The following COL1A2 variants were observed in gnomAD, a reference collection of about 807,000 sequenced individuals.
COL1A2 encodes the protein collagen type I alpha 2 chain, also known as collagen alpha-2(I) chain.
COL1A2 carries 49 observed loss-of-function variants against 174.3 expected under a neutral mutation model. That is an observed-to-expected ratio of 0.28 (90% CI 0.22 to 0.36). COL1A2 has a LOEUF of 0.36. Among genes scored for constraint, COL1A2 ranks in the 10% least tolerant of loss-of-function variants. COL1A2 has a pLI of 1.00. For missense variants in COL1A2, 1,438 were observed against 1,822.7 expected (o/e 0.79, Z 3.84); for synonymous variants, 655 against 606.6 (o/e 1.08, Z -1.17).
intron 51 of COL1A2, chr7:94,429,896 A>G (rs1792363923): frequency 3.3e-6 from 1 of 305,648 alleles, no homozygotes; most frequent in African/African-American, 2.2e-5. Context: ...ATTCACTAAC[A>G]GCAAGACTAC....
chr7:94,420,360 A>G (rs966376741), intron 35 of COL1A2, 31 bp from the exon 36 acceptor site: 3 of 1,614,042 alleles, frequency 1.9e-6, no homozygotes, highest in Admixed American at 3.3e-5. Flanking sequence ...TAGGATTGAT[A>G]ACACATTTTT....
Position 94,411,143 on chromosome 7 carries a change from A to G in COL1A2, c.1339A>G (p.Met447Val). The change falls in exon 23 of 52, where the codon ATG becomes GTG. Residue 447 changes from methionine (M) to valine (V), a missense_variant. Met to Val is a conservative substitution (Grantham distance 21). This residue lies in a region of COL1A2 where 867 missense variants were observed against 1,213.7 expected (regional missense o/e 0.71). Transcript: ENST00000297268. ...DAGRPGEPGL[M>V]GPRGLPGSPG... ...TGGTCGCCCTGGGGAGCCTGGTCTCATGGGACCCAGAGTAAGTTTCAAACT... is the reference window on the plus strand; with the variant it reads ...TGGTCGCCCTGGGGAGCCTGGTCTCGTGGGACCCAGAGTAAGTTTCAAACT... 1 of 1,583,434 alleles carries G rather than the reference A, an allele frequency of 6.3e-7. No individual in the cohort carries two copies. Among genetic ancestry groups the G allele is most frequent in the Non-Finnish European group, 8.6e-7 (1 of 1,164,142 alleles).
chr7:94,401,723 C>A, intron 6 of COL1A2, 103 bp downstream of exon 6: 3 of 711,856 alleles, frequency 4.2e-6, no homozygotes, highest in South Asian at 1.7e-5. Flanking sequence ...AGTTAACACT[C>A]AATACTTAGA....
chr7:94,415,612 C>T (rs1792023931), intron 30 of COL1A2, among the ~76,000 whole-genome samples: 1 of 151,968 alleles, frequency 6.6e-6, no homozygotes, highest in South Asian at 2.1e-4. Context: ...TAATTTTGGC[C>T]ATGTGTGTTG....
At chr7:94,411,632 T>C (rs1339396580) in intron 23 of COL1A2, among the ~76,000 whole-genome samples, 1 of 152,130 alleles carries the variant, frequency 6.6e-6, no homozygotes, top group East Asian at 1.9e-4. Flanking sequence ...AGCAATAGAG[T>C]AATTTTTTTG....
Position 94,427,748 on chromosome 7 carries a change from C to T in COL1A2, c.3389C>T (p.Pro1130Leu), listed in dbSNP as rs1219873639. The T allele has an allele frequency of 1.2e-6, 2 of 1,614,082 alleles. No homozygotes were observed. The highest frequency in any genetic ancestry group is 1.7e-6 in the Non-Finnish European group (2 of 1,180,024). The change falls in exon 49 of 52, where the codon CCC becomes CTC. Residue 1130 changes from proline to leucine, a missense_variant. Transcript: ENST00000297268. Reference protein sequence around the residue: ...DQPRSAPSLRPKDYEVDATLK... With the variant: ...DQPRSAPSLRLKDYEVDATLK... ...CCTCGCTCAGCACCTTCTCTCAGAC[C>T]CAAGGACTATGAAGTTGATGCTACT...
chr7:94,396,314 TTG>T (rs60833112), intron 1 of COL1A2, among the ~76,000 whole-genome samples: 2,525 of 149,692 alleles, frequency 0.017, 25 homozygotes, highest in African/African-American at 0.023. Context: ...ATTTGTGTGC[TTG>T]TGTGTGTGTG....
At chr7:94,429,122 TCATGTTTGACTC>T in intron 50 of COL1A2, 54 bp from the exon 51 acceptor site, 1 of 1,247,816 alleles carries the variant, frequency 8.0e-7, no homozygotes, top group Non-Finnish European at 1.1e-6. Context: ...TTTTTTTTTT[TCATGTTTGACTC>T]TTAGTATCTG....
At chr7:94,422,217 G>A (rs746383780) in intron 39 of COL1A2, among the ~76,000 whole-genome samples, 3 of 149,208 alleles carry the variant, frequency 2.0e-5, no homozygotes, top group Non-Finnish European at 3.0e-5. Flanking sequence ...ACAAAAAAAC[G>A]AACAGTTTTA....
intron 12 of COL1A2, among the ~76,000 whole-genome samples, chr7:94,406,960 A>G (rs1791814057): frequency 6.6e-6 from 1 of 152,234 alleles, no homozygotes; most frequent in Non-Finnish European, 1.5e-5. Flanking sequence ...AATCTATTCT[A>G]ACTTTCCAGC....
chr7:94,401,129 A>C (rs1368604563), intron 5 of COL1A2, among the ~76,000 whole-genome samples: 4 of 152,198 alleles, frequency 2.6e-5, no homozygotes, highest in Non-Finnish European at 5.9e-5. Context: ...CAGCAAGAAA[A>C]AGATCTCTTA....
At chr7:94,407,092 TG>T (rs1443076338) in intron 12 of COL1A2, among the ~76,000 whole-genome samples, 2 of 152,166 alleles carry the variant, frequency 1.3e-5, no homozygotes, top group African/African-American at 4.8e-5. Flanking sequence ...CCCCTCATTT[TG>T]CAGAGGTGGG....
chr7:94,406,107 T>C (rs1016203524), intron 11 of COL1A2, 143 bp from the exon 12 acceptor site: 12 of 823,660 alleles, frequency 1.5e-5, no homozygotes, highest in Admixed American at 4.0e-5. Flanking sequence ...CTGAGTTTGC[T>C]GGGACCTGGA....
intron 1 of COL1A2, 139 bp downstream of exon 1, chr7:94,395,240 G>A (rs1325052998): frequency 1.3e-6 from 1 of 791,816 alleles, no homozygotes; most frequent in South Asian, 1.3e-5. Flanking sequence ...GGAAAACGCC[G>A]GAATTGATAA....
chr7:94,400,855 A>G (rs62464619), intron 5 of COL1A2, among the ~76,000 whole-genome samples: 48,663 of 152,064 alleles, frequency 0.32, 8,764 homozygotes, highest in South Asian at 0.45. Context: ...TTAATTGGTT[A>G]GCACTATGAA....
chr7:94,421,255 A>T (rs906664466), intron 38 of COL1A2, 193 bp downstream of exon 38: 239 of 651,260 alleles, frequency 3.7e-4, no homozygotes, highest in Middle Eastern at 7.7e-4. Context: ...TGTTGCTATC[A>T]GCTCACTTGA....
chr7:94,403,398 T>C (rs73426387), intron 6 of COL1A2, among the ~76,000 whole-genome samples: 87 of 152,266 alleles, frequency 5.7e-4, no homozygotes, highest in African/African-American at 2.1e-3. Context: ...CCCCACAGGG[T>C]TCTTCTCTGA....
At chr7:94,429,165 G>T in intron 50 of COL1A2, 23 bp from the exon 51 acceptor site, 2 of 1,593,260 alleles carry the variant, frequency 1.3e-6, no homozygotes, top group African/African-American at 1.4e-5. Context: ...CACTTAACTG[G>T]AATTTCATCC....
Position 94,411,072 on chromosome 7 carries a change from G to A in COL1A2, c.1268G>A (p.Arg423His), listed in dbSNP as rs764780528. 4.6e-5 allele frequency: 74 copies of A among 1,599,816 alleles called. No individual in the cohort carries two copies. The highest frequency in any genetic ancestry group is 6.7e-5 in the South Asian group (6 of 89,568). The stretch of plus-strand genomic sequence containing the variant: ...TTTGAATAGGGCCCTCCTGGTAGTC[G>A]TGGTGCAAGTGGCCCTGCTGGAGTC... ...RAGVMGPPGS[R>H]GASGPAGVRG... Residue 423 changes from arginine (R) to histidine (H), a missense_variant, in exon 23 of 52, where the codon CGT becomes CAT. Physicochemically the swap from Arg to His is conservative, Grantham distance 29. Around this residue, in one of 3 missense-constraint regions of COL1A2, gnomAD observed 867 missense variants for 1,213.7 expected, o/e 0.71. Transcript: ENST00000297268.
Sources: gnomAD v4.1 joint callset for allele counts (sites outside exome capture counted in the v4.1 genomes callset) on GRCh38, gnomAD v4.1.1 for gene constraint, gnomAD v4.1.1 regional missense constraint, MANE v1.5 for transcripts, NCBI Gene and HGNC (gene_info 2026-07-23, HGNC 2026-07-21) for gene names.